The following CTNNA2 variants were observed in gnomAD, a reference collection of about 807,000 sequenced individuals.
CTNNA2 encodes catenin alpha-2.
In CTNNA2, 42 loss-of-function variants were observed where a neutral mutation model predicts 101.0. The ratio of observed to expected loss-of-function variants is 0.42; its 90% CI spans 0.32 to 0.54. The LOEUF is 0.54. Ranked by LOEUF, CTNNA2 falls within the 20% of genes least tolerant of loss-of-function variation. The pLI, the probability that CTNNA2 is intolerant of heterozygous loss-of-function variation, is 0.14. For missense variants in CTNNA2, 871 were observed against 1,223.1 expected (o/e 0.71, Z 4.29); for synonymous variants, 450 against 456.4 (o/e 0.99, Z 0.18).
chr2:79,274,224 A>AT (rs1268109219), intron 2 of CTNNA2, among the ~76,000 whole-genome samples: 1 of 150,818 alleles, frequency 6.6e-6, no homozygotes, highest in Non-Finnish European at 1.5e-5. Context: ...ACTCAACCTC[A>AT]CTATTTTAAA....
chr2:79,306,652 G>A (rs765762936), intron 2 of CTNNA2, among the ~76,000 whole-genome samples: 16 of 152,120 alleles, frequency 1.1e-4, no homozygotes, highest in Non-Finnish European at 1.9e-4. Context: ...CTGGGTATCT[G>A]TGTGAGAATT....
intron 7 of CTNNA2, among the ~76,000 whole-genome samples, chr2:80,254,279 C>T (rs1435581868): frequency 2.0e-5 from 3 of 152,084 alleles, no homozygotes; most frequent in African/African-American, 7.2e-5. Context: ...ATTTTATAAG[C>T]CCCTATAACA....
At chr2:80,223,554 G>T (rs935519175) in intron 7 of CTNNA2, among the ~76,000 whole-genome samples, 6 of 152,140 alleles carry the variant, frequency 3.9e-5, no homozygotes, top group Non-Finnish European at 8.8e-5. Flanking sequence ...GATTACAGGC[G>T]TGAGCCACTG....
chr2:79,849,069 C>T (rs1006487628), intron 3 of CTNNA2, among the ~76,000 whole-genome samples: 3 of 152,036 alleles, frequency 2.0e-5, no homozygotes, highest in Non-Finnish European at 2.9e-5. Context: ...AGTTTTCATC[C>T]GGATCTGAAA....
chr2:79,814,638 C>CAT lies in CTNNA2; in HGVS notation c.299-43362_299-43361dup, dbSNP rs1553472821. The stretch of plus-strand genomic sequence containing the variant: ...ACACACACACACACACACACACACA[C>CAT]ATATATATATATATCACAGTTTCTT... On this transcript the variant is annotated intron_variant, in intron 3 of 18. Transcript: ENST00000402739. Among the ~76,000 whole-genome samples, 536 of 147,040 alleles carry CAT rather than the reference C, an allele frequency of 3.6e-3. 3 individuals carry two copies. The highest frequency in any genetic ancestry group is 0.011 in the African/African-American group (448 of 39,254).
At chr2:79,517,594 T>C (rs1327769213) in intron 1 of CTNNA2, among the ~76,000 whole-genome samples, 2 of 152,226 alleles carry the variant, frequency 1.3e-5, no homozygotes, top group Non-Finnish European at 2.9e-5. Flanking sequence ...ATCTAAATCA[T>C]ACATTTTCAG....
At chr2:80,037,571 G>T (rs1418696157) in intron 7 of CTNNA2, among the ~76,000 whole-genome samples, 5 of 152,182 alleles carry the variant, frequency 3.3e-5, no homozygotes, top group African/African-American at 1.2e-4. Context: ...TGTGTGGTTT[G>T]TCTGGAGAAT....
At chr2:79,517,928 G>T (rs1476119285) in intron 1 of CTNNA2, among the ~76,000 whole-genome samples, 2 of 152,092 alleles carry the variant, frequency 1.3e-5, no homozygotes, top group African/African-American at 4.8e-5. Flanking sequence ...TGAAAAAGCA[G>T]GTATGTTCCC....
At chr2:80,046,814 C>CTAAAAATGTACATGGTTA (rs1349355394) in intron 7 of CTNNA2, among the ~76,000 whole-genome samples, 21 of 152,292 alleles carry the variant, frequency 1.4e-4, no homozygotes, top group African/African-American at 4.6e-4. Context: ...GTTCTCATAA[C>CTAAAAATGTACATGGTTA]CAACATGTAC....
intron 9 of CTNNA2, among the ~76,000 whole-genome samples, chr2:80,527,953 A>G (rs1445870984): frequency 6.6e-6 from 1 of 152,186 alleles, no homozygotes; most frequent in Non-Finnish European, 1.5e-5. Flanking sequence ...CCAGGCATCA[A>G]TATCTTTAAT....
intron 3 of CTNNA2, among the ~76,000 whole-genome samples, chr2:79,371,594 G>A (rs1381290525): frequency 6.6e-6 from 1 of 152,126 alleles, no homozygotes; most frequent in African/African-American, 2.4e-5. Flanking sequence ...AAATGAGTTG[G>A]CCTGAGAAAG....
chr2:80,439,165 C>T (rs1559111338), intron 9 of CTNNA2, among the ~76,000 whole-genome samples: 2 of 152,056 alleles, frequency 1.3e-5, no homozygotes, highest in Non-Finnish European at 2.9e-5. Flanking sequence ...TGACTACTTT[C>T]GGGTCTTTTG....
intron 9 of CTNNA2, among the ~76,000 whole-genome samples, chr2:80,509,072 G>A (rs1318302470): frequency 3.3e-5 from 5 of 152,204 alleles, no homozygotes; most frequent in Admixed American, 6.5e-5. Context: ...GGTGCCAAAA[G>A]CAGAGTCTGT....
intron 7 of CTNNA2, among the ~76,000 whole-genome samples, chr2:79,922,145 GTTAT>G (rs1214712499): frequency 2.0e-5 from 3 of 152,028 alleles, no homozygotes; most frequent in Non-Finnish European, 2.9e-5. Context: ...TTTTCACAGT[GTTAT>G]TTATTGTTAT....
At chr2:80,462,438 T>A (rs1249749368) in intron 9 of CTNNA2, among the ~76,000 whole-genome samples, 1 of 152,136 alleles carries the variant, frequency 6.6e-6, no homozygotes, top group Non-Finnish European at 1.5e-5. Flanking sequence ...TCATTTTAAT[T>A]CTTTTTTAAG....
chr2:79,483,962 A>C (rs969917308), intron 4 of CTNNA2, among the ~76,000 whole-genome samples: 139 of 152,302 alleles, frequency 9.1e-4, no homozygotes, highest in African/African-American at 3.2e-3. Context: ...TAAGTCCAGC[A>C]TGCAAGGGAC....
chr2:79,861,353 G>T (rs1681608679), intron 4 of CTNNA2, among the ~76,000 whole-genome samples: 1 of 152,164 alleles, frequency 6.6e-6, no homozygotes, highest in Non-Finnish European at 1.5e-5. Context: ...AACAAAGAGA[G>T]AATTACCTTT....
At chr2:79,622,441 AT>A (rs1223874286) in intron 1 of CTNNA2, among the ~76,000 whole-genome samples, 1 of 152,250 alleles carries the variant, frequency 6.6e-6, no homozygotes, top group Non-Finnish European at 1.5e-5. Flanking sequence ...GGAAGAATTT[AT>A]GTAATGATCC....
intron 7 of CTNNA2, among the ~76,000 whole-genome samples, chr2:80,340,731 G>T (rs1170002328): frequency 6.6e-6 from 1 of 152,098 alleles, no homozygotes; most frequent in Non-Finnish European, 1.5e-5. Flanking sequence ...ATAAATATTT[G>T]ACTTTTTGGT....
Sources: gnomAD v4.1 joint callset for allele counts (sites outside exome capture counted in the v4.1 genomes callset) on GRCh38, gnomAD v4.1.1 for gene constraint, MANE v1.5 for transcripts, NCBI Gene and HGNC (gene_info 2026-07-23, HGNC 2026-07-21) for gene names.